The following SIMC1 variants were observed in gnomAD, a reference collection of about 807,000 sequenced individuals.
SIMC1 encodes SUMO-interacting motif-containing protein 1.
SIMC1 carries 55 observed loss-of-function variants against 82.3 expected under a neutral mutation model. The ratio of observed to expected loss-of-function variants is 0.67; its 90% confidence interval spans 0.54 to 0.84. The LOEUF is 0.84. Among genes scored for constraint, SIMC1 ranks in the 40% least tolerant of loss-of-function variants. SIMC1 has a pLI of 0.00. For synonymous variants in SIMC1, 353 were observed against 426.3 expected (o/e 0.83, Z 2.12); for missense variants, 915 against 1,107.2 (o/e 0.83, Z 2.46).
chr5:176,309,043 AT>A, intron 4 of SIMC1: 1 of 764,944 alleles, frequency 1.3e-6, no homozygotes, highest in Non-Finnish European at 2.4e-6. Flanking sequence ...AAAGATGAAA[AT>A]ATCCAGTGTA....
Position 176,242,873 on chromosome 5 carries a change from A to G in SIMC1, c.129+4236A>G, listed in dbSNP as rs191691386. On this transcript the variant is annotated intron_variant, in intron 1 of 9. Coordinates refer to ENST00000429602, the MANE Select transcript of SIMC1 (RefSeq NM_001308195.2). Reference sequence around the variant, plus strand: ...ATGGAGATTTCATTTTACTGAGGGGACACAGATAGTAAACAACACTATAAA... The same window carrying G: ...ATGGAGATTTCATTTTACTGAGGGGGCACAGATAGTAAACAACACTATAAA... 2.9e-3 allele frequency among the ~76,000 whole-genome samples: 448 copies of G among 152,204 alleles called. 9 individuals carry two copies. Among genetic ancestry groups the G allele is most frequent in the African/African-American group, 0.01 (423 of 41,450 alleles).
rs59865118 is a variant in SIMC1, at chr5:176,341,750, G to GTGATGATGA, written c.2414-3411_2414-3403dup. 4.3e-4 allele frequency among the ~76,000 whole-genome samples: 66 copies of GTGATGATGA among 151,728 alleles called. 1 individual carries two copies. The highest frequency in any genetic ancestry group is 8.7e-4 in the Non-Finnish European group (59 of 67,872). On this transcript the variant is annotated intron_variant, in intron 9 of 9. Transcript: ENST00000429602. ...ACATATTAGGTAGGAGATTCCTATA[G>GTGATGATGA]TGATGATGATGATGATGATGATGAT...
Position 176,324,716 on chromosome 5 carries a change from G to A in SIMC1, c.2130G>A (p.Met710Ile), listed in dbSNP as rs566159528. 1.1e-5 allele frequency: 17 copies of A among 1,602,790 alleles called. No individual in the cohort carries two copies. The Admixed American group carries it at 1.7e-4, about 16-fold the overall frequency. Residue 710 changes from methionine to isoleucine, a missense_variant, in exon 7 of 10, where the codon ATG (methionine) becomes ATA (isoleucine). By Grantham distance (10) the Met-to-Ile change is conservative. Around this residue, in one of 2 missense-constraint regions of SIMC1, gnomAD observed 902 missense variants for 1,040.3 expected, o/e 0.87. Transcript: ENST00000429602. ...GCAGCTCCAATAAAATTGCCGAGAT[G>A]ATGTTTGGGTTTGTGCTGGACATTC... Reference protein sequence around the residue: ...PTCSSNKIAEMMFGFVLDIPE... With the variant: ...PTCSSNKIAEIMFGFVLDIPE...
At chr5:176,335,998 C>A (rs1328175037) in intron 7 of SIMC1, among the ~76,000 whole-genome samples, 1 of 151,456 alleles carries the variant, frequency 6.6e-6, no homozygotes, top group Admixed American at 6.6e-5. Context: ...GTGTGATGAT[C>A]ACACCACTGC....
Position 176,242,296 on chromosome 5 carries a change from T to C in SIMC1, c.129+3659T>C, listed in dbSNP as rs1047393610. On this transcript the variant is annotated intron_variant, in intron 1 of 9. Coordinates refer to ENST00000429602, the MANE Select transcript of SIMC1 (RefSeq NM_001308195.2). ...GAAAAAAATAATGAATTTAAAAATA[T>C]GCAGTTGTGAGTTAATATTGCATCT... 3.7e-3 allele frequency among the ~76,000 whole-genome samples: 558 copies of C among 151,858 alleles called. 1 individual carries two copies. Among genetic ancestry groups the C allele is most frequent in the Non-Finnish European group, 5.5e-3 (373 of 67,924 alleles).
intron 2 of SIMC1, 149 bp from the exon 3 acceptor site, chr5:176,294,881 C>T: frequency 9.0e-7 from 1 of 1,107,114 alleles, no homozygotes; most frequent in East Asian, 2.9e-5. Flanking sequence ...AGGAGAATGG[C>T]ATGAACTCGG....
At chr5:176,311,138 T>C (rs551020424) in intron 4 of SIMC1, among the ~76,000 whole-genome samples, 8 of 152,312 alleles carry the variant, frequency 5.3e-5, no homozygotes, top group Non-Finnish European at 2.9e-5. Flanking sequence ...TTCTAAAAAG[T>C]AGATTATGGT....
At chr5:176,291,399 C>T (rs1212637520) in intron 2 of SIMC1, among the ~76,000 whole-genome samples, 2 of 141,924 alleles carry the variant, frequency 1.4e-5, no homozygotes, top group Non-Finnish European at 3.0e-5. Flanking sequence ...TGCAGTGGCA[C>T]GATCTCCGCT....
chr5:176,344,360 T>A (rs1766303108), intron 9 of SIMC1, among the ~76,000 whole-genome samples: 1 of 152,104 alleles, frequency 6.6e-6, no homozygotes, highest in Admixed American at 6.5e-5. Flanking sequence ...CACACTCATG[T>A]TAAATACTGT....
At chr5:176,319,118 A>G (rs1447157201) in intron 5 of SIMC1, among the ~76,000 whole-genome samples, 1 of 151,966 alleles carries the variant, frequency 6.6e-6, no homozygotes, top group African/African-American at 2.4e-5. Context: ...CAGGGGGAAA[A>G]AAAGAAGTCA....
At chr5:176,272,764 C>G (rs888792055) in intron 1 of SIMC1, among the ~76,000 whole-genome samples, 10 of 152,226 alleles carry the variant, frequency 6.6e-5, no homozygotes, top group African/African-American at 2.4e-4. Flanking sequence ...ATGGTCTTAG[C>G]AAACGGCACA....
chr5:176,270,329 TG>T lies in SIMC1; in HGVS notation c.130-19324del, dbSNP rs1285032585. The T allele has an allele frequency of 3.3e-5, 5 of 152,056 alleles. No individual in the cohort carries two copies. The East Asian group carries it at 7.8e-4, about 24-fold the overall frequency. 9.4% of individuals were successfully genotyped at this position (152,056 alleles called of 1,614,324 possible). A position where few individuals can be genotyped will look rare whatever the true frequency, so the allele number is the denominator to read the frequency against. The stretch of plus-strand genomic sequence containing the variant: ...AGAAGAGAACTTCCTTAAAGGCATC[TG>T]TGAAAACCCCACAGCTAGAATTATA... On this transcript the variant is annotated intron_variant, in intron 1 of 9. Coordinates refer to ENST00000429602, the MANE Select transcript of SIMC1 (RefSeq NM_001308195.2).
At chr5:176,326,359 A>G (rs777382948) in intron 7 of SIMC1, among the ~76,000 whole-genome samples, 5 of 151,818 alleles carry the variant, frequency 3.3e-5, no homozygotes, top group Non-Finnish European at 7.4e-5. Flanking sequence ...CCATTGTCAC[A>G]TTAATTATCT....
In SIMC1 at chr5:176,312,504, C is replaced by T. The variant is rs371365315; in HGVS notation, c.1735-1187C>T. On this transcript the variant is annotated intron_variant, in intron 4 of 9. Transcript: ENST00000429602. Reference sequence around the variant, plus strand: ...TGAGCCAAGATCGCGCCACTGCATTCCAGCCTGGGTGACAGACCAAAGACT... The same window carrying T: ...TGAGCCAAGATCGCGCCACTGCATTTCAGCCTGGGTGACAGACCAAAGACT... 3.3e-5 allele frequency among the ~76,000 whole-genome samples: 4 copies of T among 121,544 alleles called. No homozygotes were observed. In the East Asian group the frequency reaches 1.0e-3, roughly 30 times the overall value. 79.7% of individuals were successfully genotyped at this position (121,544 alleles called of 152,430 possible).
At chr5:176,281,012 A>G (rs2113221827) in intron 1 of SIMC1, among the ~76,000 whole-genome samples, 1 of 152,326 alleles carries the variant, frequency 6.6e-6, no homozygotes, top group Admixed American at 6.5e-5. Context: ...CCTGGATGAT[A>G]TCCTGCAGAG....
At chr5:176,240,374 T>A (rs1283078816) in intron 1 of SIMC1, among the ~76,000 whole-genome samples, 7 of 110,206 alleles carry the variant, frequency 6.4e-5, no homozygotes, top group African/African-American at 2.3e-4. Flanking sequence ...AGCTTCCTTC[T>A]TCAGTGGTCA....
chr5:176,248,409 G>C (rs1761523661), intron 1 of SIMC1, among the ~76,000 whole-genome samples: 1 of 152,062 alleles, frequency 6.6e-6, no homozygotes, highest in African/African-American at 2.4e-5. Flanking sequence ...CTTTCTGTTT[G>C]TCTATTATTG....
intron 1 of SIMC1, among the ~76,000 whole-genome samples, chr5:176,275,311 T>C (rs1217584438): frequency 2.0e-5 from 3 of 151,916 alleles, no homozygotes; most frequent in Non-Finnish European, 2.9e-5. Flanking sequence ...GTAATTTTTG[T>C]ACATTGATTT....
intron 4 of SIMC1, among the ~76,000 whole-genome samples, chr5:176,306,974 C>G (rs755275254): frequency 1.8e-4 from 27 of 151,080 alleles, no homozygotes; most frequent in Non-Finnish European, 3.7e-4. Context: ...ATGAATAACC[C>G]AATTTAAAAA....
Sources: allele counts gnomAD v4.1 joint callset (sites outside exome capture counted in the v4.1 genomes callset), GRCh38; gene constraint gnomAD v4.1.1; regional missense constraint gnomAD v4.1.1; transcripts MANE v1.5; gene names NCBI Gene and HGNC (gene_info 2026-07-23, HGNC 2026-07-21).